Variants in TFDP1 observed in about 807,000 individuals in gnomAD.
TFDP1 encodes transcription factor Dp-1, also known as DRTF1-polypeptide 1.
In TFDP1, 6 loss-of-function variants were observed where a neutral mutation model predicts 48.0. That is an observed-to-expected ratio of 0.13 (90% confidence interval 0.07 to 0.25). TFDP1 has a LOEUF of 0.25. Among genes scored for constraint, TFDP1 ranks in the 10% least tolerant of loss-of-function variants. The pLI is 1.00. For missense variants in TFDP1, 335 were observed against 543.0 expected, an observed-to-expected ratio of 0.62 and a Z score of 3.81; for synonymous variants, 201 against 211.6, an observed-to-expected ratio of 0.95 and a Z score of 0.44.
At chr13:113,586,580 G>A (rs1273948012) in intron 2 of TFDP1, among the ~76,000 whole-genome samples, 1 of 152,224 alleles carries the variant, frequency 6.6e-6, no homozygotes, top group East Asian at 1.9e-4. Flanking sequence ...CTGAGTGAAA[G>A]GTGCTGTTGA....
intron 2 of TFDP1, among the ~76,000 whole-genome samples, chr13:113,603,992 G>A (rs374832078): frequency 6.6e-6 from 1 of 151,868 alleles, no homozygotes; most frequent in Non-Finnish European, 1.5e-5. Flanking sequence ...ATGAGACCTC[G>A]TCTCTACTAC....
intron 1 of TFDP1, 90 bp from the exon 2 acceptor site, chr13:113,585,679 TCCGCG>T: frequency 2.9e-6 from 2 of 700,270 alleles, no homozygotes; most frequent in Non-Finnish European, 4.6e-6. Flanking sequence ...GGAAGGAAGG[TCCGCG>T]TTTCCTTTGA....
chr13:113,593,268 C>T (rs1244352418), intron 2 of TFDP1, among the ~76,000 whole-genome samples: 8 of 124,608 alleles, frequency 6.4e-5, no homozygotes, highest in East Asian at 5.1e-4. Flanking sequence ...AGGTGTCAGG[C>T]GTGATGCGTG....
chr13:113,601,767 G>A (rs533127183), intron 2 of TFDP1, among the ~76,000 whole-genome samples: 1 of 152,368 alleles, frequency 6.6e-6, no homozygotes, highest in East Asian at 1.9e-4. Flanking sequence ...CAAAAGGGAG[G>A]AGCAGAGAGA....
rs530577597 is a variant in TFDP1, at chr13:113,630,553, G to A, written c.187-1070G>A. Reference sequence around the variant, plus strand: ...ATGAAGCCCCCCCGCCAGCATACAGGTGTCCAGCTCCAATCCCTTTAACGG... The same window carrying A: ...ATGAAGCCCCCCCGCCAGCATACAGATGTCCAGCTCCAATCCCTTTAACGG... On this transcript the variant is annotated intron_variant, in intron 4 of 11. Coordinates refer to ENST00000375370, the MANE Select transcript of TFDP1 (RefSeq NM_007111.5). Among the ~76,000 whole-genome samples, 9 of 152,282 alleles carry A rather than the reference G, an allele frequency of 5.9e-5. No individual in the cohort carries two copies. The East Asian group carries it at 1.5e-3, about 26-fold the overall frequency.
chr13:113,590,942 G>A (rs2048124859), intron 2 of TFDP1, among the ~76,000 whole-genome samples: 3 of 144,358 alleles, frequency 2.1e-5, no homozygotes, highest in Middle Eastern at 3.8e-3. Flanking sequence ...CTCGGGAGGC[G>A]GAGCTTGCAG....
At chr13:113,624,729 T>C (rs1348822839) in intron 4 of TFDP1, among the ~76,000 whole-genome samples, 1 of 137,054 alleles carries the variant, frequency 7.3e-6, no homozygotes, top group Non-Finnish European at 1.6e-5. Flanking sequence ...TGTCCTCACG[T>C]GTCTCTCAGG....
intron 2 of TFDP1, among the ~76,000 whole-genome samples, chr13:113,600,935 C>T (rs1211549325): frequency 6.6e-6 from 1 of 151,664 alleles, no homozygotes; most frequent in Non-Finnish European, 1.5e-5. Context: ...GCTCCAGGAC[C>T]ATGAGACAGA....
At chr13:113,618,956 A>G (rs1030321978) in intron 3 of TFDP1, among the ~76,000 whole-genome samples, 24 of 152,346 alleles carry the variant, frequency 1.6e-4, no homozygotes, top group African/African-American at 5.5e-4. Flanking sequence ...CACATCCTGG[A>G]AAAGTATGAA....
intron 3 of TFDP1, among the ~76,000 whole-genome samples, chr13:113,620,681 G>A (rs1420308241): frequency 1.3e-5 from 2 of 152,084 alleles, no homozygotes; most frequent in Admixed American, 6.5e-5. Context: ...GGTACATTTC[G>A]AATATGTACA....
intron 2 of TFDP1, among the ~76,000 whole-genome samples, chr13:113,591,000 ACT>A (rs2048126861): frequency 1.1e-5 from 1 of 91,536 alleles, no homozygotes; most frequent in African/African-American, 5.0e-5. Flanking sequence ...ACAGAGCGAG[ACT>A]CTGTCTCAAA....
chr13:113,630,755 G>A (rs1474986034), intron 4 of TFDP1, among the ~76,000 whole-genome samples: 6 of 151,268 alleles, frequency 4.0e-5, no homozygotes, highest in South Asian at 2.1e-4. Flanking sequence ...ATTCACACTC[G>A]AACATTCATT....
At position 113,633,390 on chromosome 13, in the gene TFDP1, C is replaced by T. The variant is rs2049389441; in HGVS notation, c.474+105C>T. On this transcript the variant is annotated intron_variant, in intron 6 of 11. Transcript: ENST00000375370. This position sits in a 1 kb window ranked among gnomAD's most constrained non-coding sequence, Gnocchi z 4.5. ...ACAGTTAAAACCATACAGAAAATGCCAAGTACAGCATAAAAGAATTTTTAC... is the reference window on the plus strand; with the variant it reads ...ACAGTTAAAACCATACAGAAAATGCTAAGTACAGCATAAAAGAATTTTTAC... 3 of 966,504 alleles carry T rather than the reference C, an allele frequency of 3.1e-6. No individual in the cohort carries two copies. Among genetic ancestry groups the T allele is most frequent in the Admixed American group, 4.9e-5 (2 of 40,956 alleles). 59.9% of individuals were successfully genotyped at this position (966,504 alleles called of 1,614,324 possible). A position where few individuals can be genotyped will look rare whatever the true frequency, so the allele number is the denominator to read the frequency against.
chr13:113,628,431 G>T (rs553636474), intron 4 of TFDP1, among the ~76,000 whole-genome samples: 18 of 152,380 alleles, frequency 1.2e-4, no homozygotes, highest in African/African-American at 4.3e-4. Context: ...CACCTCCCCT[G>T]CTCCCCAGCG....
intron 3 of TFDP1, among the ~76,000 whole-genome samples, chr13:113,612,482 TCA>T (rs2048731806): frequency 6.6e-6 from 1 of 152,258 alleles, no homozygotes; most frequent in Admixed American, 6.5e-5. Context: ...ATTTGAGGAT[TCA>T]CAGATTGCTT....
chr13:113,635,140 C>T (rs1189671399), intron 8 of TFDP1, among the ~76,000 whole-genome samples: 1 of 152,230 alleles, frequency 6.6e-6, no homozygotes, highest in Admixed American at 6.5e-5. Flanking sequence ...TGGAGCTGGC[C>T]TTCCCCACCT....
At position 113,640,493 on chromosome 13, in the gene TFDP1, CT is replaced by C. The variant is rs2049616687; in HGVS notation, c.*228del. On this transcript the variant is annotated 3_prime_UTR_variant, in exon 12 of 12. Coordinates refer to ENST00000375370, the MANE Select transcript of TFDP1 (RefSeq NM_007111.5). ...TGTGCTGATGCAGAGCGTTTATTTA[CT>C]TGTTAGGATTTTGTGTTTTCATTTG... 3 of 589,166 alleles carry C rather than the reference CT, an allele frequency of 5.1e-6. No individual in the cohort carries two copies. Among genetic ancestry groups the C allele is most frequent in the Non-Finnish European group, 7.8e-6 (3 of 386,390 alleles). The allele number at this position is 589,166 out of a possible 1,614,324, so 36.5% of individuals were successfully genotyped here.
At chr13:113,635,676 A>G (rs553367349) in intron 8 of TFDP1, among the ~76,000 whole-genome samples, 3 of 152,314 alleles carry the variant, frequency 2.0e-5, no homozygotes, top group African/African-American at 4.8e-5. Flanking sequence ...AAGGACAGCA[A>G]GGAATCGACT....
At chr13:113,590,223 T>C (rs773083263) in intron 2 of TFDP1, among the ~76,000 whole-genome samples, 28 of 152,286 alleles carry the variant, frequency 1.8e-4, no homozygotes, top group Non-Finnish European at 2.6e-4. Flanking sequence ...TGAAAGCCGT[T>C]CTGTGGTGCC....
Sources: gnomAD v4.1 joint callset for allele counts (sites outside exome capture counted in the v4.1 genomes callset) on GRCh38, gnomAD v4.1.1 for gene constraint, Gnocchi (gnomAD v3.1) non-coding constraint, MANE v1.5 for transcripts, NCBI Gene and HGNC (gene_info 2026-07-23, HGNC 2026-07-21) for gene names.